Variants in PCP4 observed in about 807,000 individuals in gnomAD.
PCP4 encodes Purkinje cell protein 4.
In PCP4, 8 loss-of-function variants were observed where a neutral mutation model predicts 10.0. The observed-to-expected ratio is 0.80, with a 90% CI of 0.47 to 1.45. The LOEUF (loss-of-function observed/expected upper bound fraction) is 1.45, where lower values mean the gene tolerates loss of function less well. Ranked by LOEUF, PCP4 falls within the 40% of genes most tolerant of loss-of-function variation. The pLI, the probability that PCP4 is intolerant of heterozygous loss-of-function variation, is 0.00. For synonymous variants in PCP4, 21 were observed against 23.0 expected, an observed-to-expected ratio of 0.91 and a Z score of 0.24; for missense variants, 54 against 74.4, an observed-to-expected ratio of 0.73 and a Z score of 1.01.
intron 2 of PCP4, among the ~76,000 whole-genome samples, chr21:39,919,988 T>C (rs1036663078): frequency 1.3e-5 from 2 of 149,052 alleles, no homozygotes; most frequent in African/African-American, 4.9e-5. Flanking sequence ...GTGGTGTGTG[T>C]GTGGGGTGTG....
At chr21:39,918,532 G>A (rs16998897) in intron 2 of PCP4, among the ~76,000 whole-genome samples, 9,281 of 152,192 alleles carry the variant, frequency 0.061, 453 homozygotes, top group African/African-American at 0.13. Flanking sequence ...AGAATTGTTC[G>A]CTCTTGGAAA....
At chr21:39,897,385 C>CA (rs34312418) in intron 1 of PCP4, among the ~76,000 whole-genome samples, 17,343 of 87,346 alleles carry the variant, frequency 0.2, 1,322 homozygotes, top group Non-Finnish European at 0.22. Context: ...GACTCTGTCT[C>CA]AAAAAAAAAA....
intron 1 of PCP4, among the ~76,000 whole-genome samples, chr21:39,882,982 G>A (rs544632976): frequency 3.6e-4 from 55 of 152,252 alleles, no homozygotes; most frequent in Non-Finnish European, 7.2e-4. Flanking sequence ...GCCTTTGTCC[G>A]AGAGCCCACT....
intron 1 of PCP4, among the ~76,000 whole-genome samples, chr21:39,877,930 C>T (rs1299372166): frequency 6.6e-6 from 1 of 152,030 alleles, no homozygotes; most frequent in East Asian, 1.9e-4. Context: ...TTTTTATGGC[C>T]AAAACCATTG....
intron 2 of PCP4, among the ~76,000 whole-genome samples, chr21:39,922,237 T>C (rs9984322): frequency 0.9 from 137,359 of 152,260 alleles, 62,151 homozygotes; most frequent in Middle Eastern, 0.95. Context: ...CTCTATTTTA[T>C]ATTTGCCCAT....
chr21:39,881,405 T>C (rs1601172937), intron 1 of PCP4, among the ~76,000 whole-genome samples: 1 of 152,248 alleles, frequency 6.6e-6, no homozygotes, highest in East Asian at 1.9e-4. Flanking sequence ...TTAGCCTCCA[T>C]AGGAAAAGGG....
At chr21:39,928,901 T>C (rs1465279160) in intron 2 of PCP4, 83 bp from the exon 3 acceptor site, 6 of 1,418,286 alleles carry the variant, frequency 4.2e-6, no homozygotes, top group Admixed American at 1.8e-5. Context: ...GTGGACTTCC[T>C]GGCTTCACTT....
chr21:39,881,874 A>T (rs2087377495), intron 1 of PCP4, among the ~76,000 whole-genome samples: 1 of 152,132 alleles, frequency 6.6e-6, no homozygotes, highest in Non-Finnish European at 1.5e-5. Context: ...GGCAAGTAGA[A>T]CACCAAGTCA....
chr21:39,880,843 C>T (rs773534872), intron 1 of PCP4, among the ~76,000 whole-genome samples: 1 of 152,190 alleles, frequency 6.6e-6, no homozygotes, highest in Admixed American at 6.5e-5. Flanking sequence ...TTTGTAAGTG[C>T]CTTGTCCCTG....
chr21:39,872,809 G>A (rs2087326605), intron 1 of PCP4, among the ~76,000 whole-genome samples: 1 of 152,194 alleles, frequency 6.6e-6, no homozygotes, highest in Non-Finnish European at 1.5e-5. Context: ...GTTGAGGCTT[G>A]TGGTTGGGAT....
intron 1 of PCP4, among the ~76,000 whole-genome samples, chr21:39,869,408 C>T (rs150400337): frequency 2.2e-3 from 334 of 152,350 alleles, no homozygotes; most frequent in African/African-American, 7.5e-3. Flanking sequence ...CCCGCCATGG[C>T]GCTTATCAGA....
chr21:39,881,121 T>C (rs1027968762), intron 1 of PCP4, among the ~76,000 whole-genome samples: 3 of 152,218 alleles, frequency 2.0e-5, no homozygotes, highest in Non-Finnish European at 4.4e-5. Context: ...AATCCACTTC[T>C]TGGGCTGTGA....
At chr21:39,918,208 A>G (rs577172863) in intron 2 of PCP4, among the ~76,000 whole-genome samples, 88 of 152,324 alleles carry the variant, frequency 5.8e-4, no homozygotes, top group African/African-American at 2.0e-3. Flanking sequence ...TGATGATTAT[A>G]CCTTGTTTTT....
At chr21:39,914,333 C>T (rs2087557633) in intron 2 of PCP4, among the ~76,000 whole-genome samples, 1 of 152,120 alleles carries the variant, frequency 6.6e-6, no homozygotes, top group Non-Finnish European at 1.5e-5. Context: ...GTAATCCCAG[C>T]ACTTTGGGAG....
rs1043794939 is a variant in PCP4, at chr21:39,906,574, T to C, written c.61+8047T>C. Among the ~76,000 whole-genome samples, 4 of 151,834 alleles carry C rather than the reference T, an allele frequency of 2.6e-5. No homozygotes were observed. Among genetic ancestry groups the C allele is most frequent in the Admixed American group, 6.6e-5 (1 of 15,246 alleles). On this transcript the variant is annotated intron_variant, in intron 2 of 2. Transcript: ENST00000328619. This position sits in a 1 kb window ranked among gnomAD's most constrained non-coding sequence, Gnocchi z 6.3. The stretch of plus-strand genomic sequence containing the variant: ...TTCCGCTCCTCCTTCTTCCCCTTCC[T>C]TCCCCCTTTCCTTCCCTTCCTTCCC...
intron 1 of PCP4, among the ~76,000 whole-genome samples, chr21:39,880,181 T>TCTATAG (rs2087367973): frequency 7.0e-6 from 1 of 143,794 alleles, no homozygotes; most frequent in Non-Finnish European, 1.5e-5. Flanking sequence ...TATATCTATA[T>TCTATAG]CTATATCTAT....
At chr21:39,919,837 G>A (rs1020915155) in intron 2 of PCP4, among the ~76,000 whole-genome samples, 6 of 151,606 alleles carry the variant, frequency 4.0e-5, no homozygotes, top group Non-Finnish European at 7.4e-5. Flanking sequence ...TGTGTGTTTT[G>A]TGTGTGTAGT....
At chr21:39,909,169 C>T (rs923842859) in intron 2 of PCP4, among the ~76,000 whole-genome samples, 1 of 152,186 alleles carries the variant, frequency 6.6e-6, no homozygotes, top group African/African-American at 2.4e-5. Context: ...ATAGACTTCA[C>T]TATTTCCAGC....
At chr21:39,882,154 A>G (rs967140053) in intron 1 of PCP4, among the ~76,000 whole-genome samples, 6 of 152,208 alleles carry the variant, frequency 3.9e-5, no homozygotes, top group African/African-American at 1.4e-4. Flanking sequence ...GGTCTCATCT[A>G]TTCACTCAGC....
Sources: gnomAD v4.1 joint callset for allele counts (sites outside exome capture counted in the v4.1 genomes callset) on GRCh38, gnomAD v4.1.1 for gene constraint, Gnocchi (gnomAD v3.1) non-coding constraint, MANE v1.5 for transcripts, NCBI Gene and HGNC (gene_info 2026-07-23, HGNC 2026-07-21) for gene names.